PCDH7: variants seen among roughly 807,000 people sequenced by gnomAD.
PCDH7 encodes the protein protocadherin-7.
PCDH7 carries 17 observed loss-of-function variants against 58.9 expected under a neutral mutation model. The observed-to-expected ratio is 0.29, with a 90% CI of 0.20 to 0.43. The LOEUF (loss-of-function observed/expected upper bound fraction) is 0.43. Ranked by LOEUF, PCDH7 falls within the 20% of genes least tolerant of loss-of-function variation. The probability of loss-of-function intolerance (pLI) is 1.00; values close to 1 mark genes in which losing one functional copy is unlikely to be tolerated. For missense variants in PCDH7, 1,274 were observed against 1,441.0 expected (o/e 0.88, Z 1.88); for synonymous variants, 664 against 616.4 (o/e 1.08, Z -1.14).
intron 1 of PCDH7, among the ~76,000 whole-genome samples, chr4:30,727,569 G>A (rs1714787203): frequency 6.6e-6 from 1 of 151,876 alleles, no homozygotes; most frequent in African/African-American, 2.4e-5. Flanking sequence ...TTTGCTCTCA[G>A]CTAAATAATG....
At chr4:30,946,341 G>A (rs1381036864) in intron 2 of PCDH7, among the ~76,000 whole-genome samples, 1 of 152,006 alleles carries the variant, frequency 6.6e-6, no homozygotes, top group Non-Finnish European at 1.5e-5. Flanking sequence ...TTAACATATT[G>A]CATATTAATG....
chr4:30,756,989 G>A (rs1214284055), intron 1 of PCDH7, among the ~76,000 whole-genome samples: 1 of 152,188 alleles, frequency 6.6e-6, no homozygotes, highest in Non-Finnish European at 1.5e-5. Flanking sequence ...AGAGCTTACA[G>A]TAACAGCTGT....
chr4:31,083,156 T>G (rs1395812029), intron 3 of PCDH7, among the ~76,000 whole-genome samples: 1 of 152,034 alleles, frequency 6.6e-6, no homozygotes, highest in Non-Finnish European at 1.5e-5. Context: ...TTAAGTACAA[T>G]GTACACTACT....
At position 30,721,210 on chromosome 4, in the gene PCDH7, G is replaced by A. The variant is rs2593616; in HGVS notation, c.-213G>A. ...GAAACAATAACTTTCGGAAGAAGCA[G>A]GAGGAAAAAAAGAAGCATCTATCGC... On this transcript the variant is annotated 5_prime_UTR_variant, in exon 1 of 2. Coordinates refer to ENST00000361762, the Ensembl canonical transcript of PCDH7. The surrounding 1 kb of genome is among the most constrained non-coding windows in gnomAD (Gnocchi z 6.7). 5.5e-6 allele frequency: 3 copies of A among 543,142 alleles called. No homozygotes were observed. Among genetic ancestry groups the A allele is most frequent in the Admixed American group, 7.0e-5 (2 of 28,562 alleles). 33.6% of individuals were successfully genotyped at this position (543,142 alleles called of 1,614,324 possible). A position where few individuals can be genotyped will look rare whatever the true frequency, so the allele number is the denominator to read the frequency against.
At chr4:31,091,827 T>C (rs1031766960) in intron 3 of PCDH7, among the ~76,000 whole-genome samples, 4 of 151,936 alleles carry the variant, frequency 2.6e-5, no homozygotes, top group Non-Finnish European at 4.4e-5. Context: ...CTTAGAAACA[T>C]AGGGAGTGAG....
At chr4:31,052,858 T>C (rs1756869136) in intron 3 of PCDH7, among the ~76,000 whole-genome samples, 2 of 152,208 alleles carry the variant, frequency 1.3e-5, no homozygotes, top group Admixed American at 1.3e-4. Flanking sequence ...TCAAACCTTG[T>C]CCCTTCAGAA....
chr4:31,121,457 A>G (rs578012636), intron 3 of PCDH7, among the ~76,000 whole-genome samples: 1 of 152,342 alleles, frequency 6.6e-6, no homozygotes. Context: ...AGAATAACTT[A>G]TTTATTTAAG....
chr4:30,882,091 TTCCTCCCCC>T (rs1054283960), intron 1 of PCDH7, among the ~76,000 whole-genome samples: 13 of 137,864 alleles, frequency 9.4e-5, no homozygotes, highest in African/African-American at 1.9e-4. Context: ...CCTCCCCTGC[TTCCTCCCCC>T]TCCTCCCCCT....
At chr4:31,134,516 G>C (rs1227041208) in intron 3 of PCDH7, among the ~76,000 whole-genome samples, 2 of 151,996 alleles carry the variant, frequency 1.3e-5, no homozygotes, top group African/African-American at 4.8e-5. Context: ...TTAGATCCTG[G>C]GTTATTGCTT....
intron 1 of PCDH7, among the ~76,000 whole-genome samples, chr4:30,792,478 A>G (rs1724245381): frequency 6.6e-6 from 1 of 152,130 alleles, no homozygotes; most frequent in Non-Finnish European, 1.5e-5. Context: ...TGGCTACTCT[A>G]TTTTTATGGA....
chr4:30,818,415 C>T (rs1359333786), intron 1 of PCDH7, among the ~76,000 whole-genome samples: 2 of 152,066 alleles, frequency 1.3e-5, no homozygotes, highest in Non-Finnish European at 2.9e-5. Context: ...AAAAGGAAGC[C>T]TTATGGTCAA....
At chr4:30,992,415 C>A (rs1751531502) in intron 3 of PCDH7, among the ~76,000 whole-genome samples, 1 of 152,130 alleles carries the variant, frequency 6.6e-6, no homozygotes, top group South Asian at 2.1e-4. Flanking sequence ...ATAACAACAA[C>A]CTTATACCGT....
chr4:30,807,317 G>A (rs944396585), intron 1 of PCDH7, among the ~76,000 whole-genome samples: 6 of 152,108 alleles, frequency 3.9e-5, no homozygotes, highest in Non-Finnish European at 8.8e-5. Flanking sequence ...TACAAAAAAA[G>A]ACGTTGTCTT....
intron 3 of PCDH7, among the ~76,000 whole-genome samples, chr4:30,990,267 A>G (rs1030390360): frequency 2.6e-5 from 4 of 152,050 alleles, no homozygotes; most frequent in Non-Finnish European, 5.9e-5. Flanking sequence ...ATATCTGTCT[A>G]TGTATCTACC....
chr4:31,070,814 C>T (rs1758486684), intron 3 of PCDH7, among the ~76,000 whole-genome samples: 1 of 152,012 alleles, frequency 6.6e-6, no homozygotes, highest in Non-Finnish European at 1.5e-5. Flanking sequence ...TAATTTTTGT[C>T]CCAGACTTTT....
chr4:31,135,477 T>A (rs116818602), intron 3 of PCDH7, among the ~76,000 whole-genome samples: 3 of 152,286 alleles, frequency 2.0e-5, no homozygotes, highest in South Asian at 4.1e-4. Context: ...TGTCTCTAGA[T>A]AGATAGTAGC....
At chr4:31,142,390 T>C (rs1203944314) in intron 3 of PCDH7, 83 bp from the exon 3 acceptor site, 1 of 1,130,192 alleles carries the variant, frequency 8.8e-7, no homozygotes, top group Non-Finnish European at 1.2e-6. Flanking sequence ...AATATATTTA[T>C]ATATTTCCTC....
At chr4:30,874,402 A>G (rs1230040491) in intron 1 of PCDH7, among the ~76,000 whole-genome samples, 1 of 152,102 alleles carries the variant, frequency 6.6e-6, no homozygotes, top group Non-Finnish European at 1.5e-5. Context: ...TTCATGGATG[A>G]AATTGGAAAT....
At chr4:30,888,018 G>A (rs1427963538) in intron 1 of PCDH7, among the ~76,000 whole-genome samples, 1 of 152,040 alleles carries the variant, frequency 6.6e-6, no homozygotes, top group Non-Finnish European at 1.5e-5. Flanking sequence ...TGGGACTACA[G>A]GCATGAGCCA....
Sources: allele counts gnomAD v4.1 joint callset (sites outside exome capture counted in the v4.1 genomes callset), GRCh38; gene constraint gnomAD v4.1.1; non-coding constraint Gnocchi (gnomAD v3.1); transcripts MANE v1.5; gene names NCBI Gene and HGNC (gene_info 2026-07-23, HGNC 2026-07-21).